Variants in ZNF366 observed in about 807,000 individuals in gnomAD.
ZNF366 encodes dendritic cell-specific transcript protein.
ZNF366 carries 20 observed loss-of-function variants against 47.2 expected under a neutral mutation model. The ratio of observed to expected loss-of-function variants is 0.42; its 90% CI spans 0.30 to 0.62. The LOEUF (loss-of-function observed/expected upper bound fraction) is 0.62. Among genes scored for constraint, ZNF366 ranks in the 20% least tolerant of loss-of-function variants. The probability of loss-of-function intolerance (pLI) is 0.16; values close to 1 mark genes in which losing one functional copy is unlikely to be tolerated. For synonymous variants in ZNF366, 421 were observed against 395.1 expected, an observed-to-expected ratio of 1.07 and a Z score of -0.78; for missense variants, 987 against 976.3, an observed-to-expected ratio of 1.01 and a Z score of -0.15.
Position 72,461,352 on chromosome 5 carries a change from G to A in ZNF366, c.145C>T (p.Arg49Ter). 1.2e-6 allele frequency: 2 copies of A among 1,614,044 alleles called. No homozygotes were observed. Among genetic ancestry groups the A allele is most frequent in the Non-Finnish European group, 8.5e-7 (1 of 1,179,998 alleles). ...PQRHPFPEAL[R>*]GPFSQFRYEP... Reference sequence around the variant, plus strand: ...TACCGAAACTGGGAAAATGGCCCTCGGAGAGCTTCCGGGAAGGGGTGTCTT... The same window carrying A: ...TACCGAAACTGGGAAAATGGCCCTCAGAGAGCTTCCGGGAAGGGGTGTCTT... The change falls in exon 2 of 5, where the codon CGA (arginine) becomes TGA (stop). Residue 49 changes from arginine (R) to a stop codon, truncating the protein, a stop_gained. Coordinates refer to ENST00000318442, the MANE Select transcript of ZNF366 (RefSeq NM_152625.3). LOFTEE classifies it high-confidence loss of function.
chr5:72,484,251 G>A (rs993078857), intron 1 of ZNF366, among the ~76,000 whole-genome samples: 3 of 151,866 alleles, frequency 2.0e-5, no homozygotes, highest in African/African-American at 7.3e-5. Flanking sequence ...TTGGGAGGCC[G>A]AGGCGGGCGG....
At chr5:72,473,563 C>T (rs1743612580) in intron 1 of ZNF366, among the ~76,000 whole-genome samples, 1 of 152,206 alleles carries the variant, frequency 6.6e-6, no homozygotes, top group Non-Finnish European at 1.5e-5. Flanking sequence ...ATAATTCCTT[C>T]CTCGTTGCCT....
At chr5:72,485,542 C>G (rs1271728115) in intron 1 of ZNF366, among the ~76,000 whole-genome samples, 2 of 152,180 alleles carry the variant, frequency 1.3e-5, no homozygotes, top group Non-Finnish European at 2.9e-5. Context: ...CTGCCTCTAT[C>G]CTGGTCAGGC....
chr5:72,501,226 G>T (rs1744204382), intron 1 of ZNF366, among the ~76,000 whole-genome samples: 1 of 152,144 alleles, frequency 6.6e-6, no homozygotes, highest in Admixed American at 6.6e-5. Context: ...CTCCCATTTA[G>T]TATCAGTGGC....
At chr5:72,480,066 A>G (rs1035237122) in intron 1 of ZNF366, among the ~76,000 whole-genome samples, 2 of 152,254 alleles carry the variant, frequency 1.3e-5, no homozygotes, top group African/African-American at 2.4e-5. Context: ...AGAATCATAC[A>G]TGAGAAAAAT....
At chr5:72,463,879 T>G (rs1245082989) in intron 1 of ZNF366, among the ~76,000 whole-genome samples, 1 of 152,226 alleles carries the variant, frequency 6.6e-6, no homozygotes, top group African/African-American at 2.4e-5. Context: ...TAATTGACTT[T>G]CAACAAGACT....
intron 2 of ZNF366, among the ~76,000 whole-genome samples, chr5:72,458,012 CTTTTTTTTT>C (rs1228705988): frequency 3.1e-5 from 3 of 97,056 alleles, no homozygotes; most frequent in Admixed American, 1.1e-4. Flanking sequence ...TAGCATCTTT[CTTTTTTTTT>C]TTTTTTTTTT....
At chr5:72,446,419 T>C (rs1467584949) in intron 4 of ZNF366, among the ~76,000 whole-genome samples, 1 of 152,266 alleles carries the variant, frequency 6.6e-6, no homozygotes, top group East Asian at 1.9e-4. Flanking sequence ...TGTAGTTCAC[T>C]GCTTTGGACA....
intron 1 of ZNF366, among the ~76,000 whole-genome samples, chr5:72,466,764 C>G (rs1173328414): frequency 2.0e-5 from 3 of 152,188 alleles, no homozygotes; most frequent in African/African-American, 7.2e-5. Flanking sequence ...ATGAAATCAT[C>G]AGCACATCTA....
In ZNF366 at chr5:72,443,950, C is replaced by A. The variant is rs762083460; in HGVS notation, c.2041G>T (p.Gly681Cys). 6.2e-7 allele frequency: 1 copy of A among 1,614,180 alleles called. No homozygotes were observed. ...TGGCCGCCCTCTGCCCCAAGGTCACCCTTGCTCCTCTTCTCCCATTCTCCC... is the reference window on the plus strand; with the variant it reads ...TGGCCGCCCTCTGCCCCAAGGTCACACTTGCTCCTCTTCTCCCATTCTCCC... ...SKGEWEKRSKGDLGAEGGQER... is the reference protein window; with the variant it reads ...SKGEWEKRSKCDLGAEGGQER... Residue 681 changes from glycine (G) to cysteine (C), a missense_variant, in exon 5 of 5, where the codon GGT becomes TGT. Physicochemically the swap from Gly to Cys is radical, Grantham distance 159 (BLOSUM62 -3). Around this residue, in one of 3 missense-constraint regions of ZNF366, gnomAD observed 285 missense variants for 234.8 expected, o/e 1.21. Coordinates refer to ENST00000318442, the MANE Select transcript of ZNF366 (RefSeq NM_152625.3).
chr5:72,502,359 G>T (rs1378549310), intron 1 of ZNF366, among the ~76,000 whole-genome samples: 1 of 152,170 alleles, frequency 6.6e-6, no homozygotes, highest in Non-Finnish European at 1.5e-5. Context: ...CCTTCATTAG[G>T]CTAGTTGTTT....
chr5:72,460,712 T>C lies in ZNF366; in HGVS notation c.785A>G (p.Tyr262Cys). The C allele has an allele frequency of 6.2e-7, 1 of 1,614,180 alleles. No individual in the cohort carries two copies. The highest frequency in any genetic ancestry group is 8.5e-7 in the Non-Finnish European group (1 of 1,180,020). Residue 262 changes from tyrosine (Y) to cysteine (C), a missense_variant, in exon 2 of 5, where the codon TAC becomes TGC. Tyr to Cys is a radical substitution (Grantham distance 194). This residue lies in a region of ZNF366 where 591 missense variants were observed against 560.9 expected (regional missense o/e 1.05). Transcript: ENST00000318442. ...RWQCPTCEKSYTSKYNLVTHI... is the reference protein window; with the variant it reads ...RWQCPTCEKSCTSKYNLVTHI... ...GGTGACCAGGTTGTACTTGGAGGTGTAGGACTTCTCGCAGGTGGGGCACTG... is the reference window on the plus strand; with the variant it reads ...GGTGACCAGGTTGTACTTGGAGGTGCAGGACTTCTCGCAGGTGGGGCACTG...
intron 1 of ZNF366, among the ~76,000 whole-genome samples, chr5:72,473,661 G>A (rs1012546429): frequency 3.9e-5 from 6 of 152,202 alleles, no homozygotes; most frequent in Admixed American, 1.3e-4. Context: ...GCTTCTTCCC[G>A]GAAACCTTTG....
intron 3 of ZNF366, 77 bp from the exon 4 acceptor site, chr5:72,447,494 C>G: frequency 2.0e-6 from 3 of 1,532,844 alleles, no homozygotes; most frequent in Non-Finnish European, 2.7e-6. Context: ...GCACAGATAC[C>G]GTTTCTACTT....
chr5:72,456,927 G>A (rs1454013249), intron 2 of ZNF366, among the ~76,000 whole-genome samples: 1 of 151,854 alleles, frequency 6.6e-6, no homozygotes, highest in African/African-American at 2.4e-5. Flanking sequence ...GAGCACTATG[G>A]GCTGATATGC....
chr5:72,495,761 G>A (rs1580254608), intron 1 of ZNF366, among the ~76,000 whole-genome samples: 1 of 152,130 alleles, frequency 6.6e-6, no homozygotes, highest in Non-Finnish European at 1.5e-5. Context: ...CTTTACAGAT[G>A]AGAAAACAAA....
Position 72,461,054 on chromosome 5 carries a change from T to G in ZNF366, c.443A>C (p.Lys148Thr). Reference sequence around the variant, plus strand: ...CTTAATGGGTTCCTGCTTGACGGGCTTGCCCCCAAAGTGTTCCAGGCTGCG... The same window carrying G: ...CTTAATGGGTTCCTGCTTGACGGGCGTGCCCCCAAAGTGTTCCAGGCTGCG... The part of the protein sequence containing the change: ...FYRSLEHFGG[K>T]PVKQEPIKPS... Residue 148 changes from lysine (K) to threonine (T), a missense_variant, in exon 2 of 5, where the codon AAG becomes ACG. Physicochemically the swap from Lys to Thr is moderately conservative, Grantham distance 78. This residue lies in a region of ZNF366 where 591 missense variants were observed against 560.9 expected (regional missense o/e 1.05). Coordinates refer to ENST00000318442, the MANE Select transcript of ZNF366 (RefSeq NM_152625.3). 1.2e-6 allele frequency: 2 copies of G among 1,614,146 alleles called. No homozygotes were observed. Among genetic ancestry groups the G allele is most frequent in the Non-Finnish European group, 1.7e-6 (2 of 1,180,030 alleles).
At chr5:72,498,267 G>C (rs79231032) in intron 1 of ZNF366, among the ~76,000 whole-genome samples, 1,531 of 152,232 alleles carry the variant, frequency 0.01, 18 homozygotes, top group African/African-American at 0.035. Flanking sequence ...AAAAAATCAA[G>C]TAGGAATATA....
intron 1 of ZNF366, among the ~76,000 whole-genome samples, chr5:72,472,968 G>A (rs773396028): frequency 6.6e-6 from 1 of 152,154 alleles, no homozygotes; most frequent in Non-Finnish European, 1.5e-5. Flanking sequence ...ACACCCTCGA[G>A]GGAGCTTCCT....
Sources: allele counts gnomAD v4.1 joint callset (sites outside exome capture counted in the v4.1 genomes callset), GRCh38; gene constraint gnomAD v4.1.1; regional missense constraint gnomAD v4.1.1; transcripts MANE v1.5; gene names NCBI Gene and HGNC (gene_info 2026-07-23, HGNC 2026-07-21).